Variants in NSL1 observed in about 807,000 individuals in gnomAD.
NSL1 encodes kinetochore-associated protein NSL1 homolog.
A neutral mutation model predicts 25.4 loss-of-function variants in NSL1; 11 were observed. That is an observed-to-expected ratio of 0.43 (90% CI 0.27 to 0.72). The LOEUF (loss-of-function observed/expected upper bound fraction) is 0.72. Ranked by LOEUF, NSL1 falls within the 30% of genes least tolerant of loss-of-function variation. The probability of loss-of-function intolerance (pLI) is 0.19; values close to 1 mark genes in which losing one functional copy is unlikely to be tolerated. For synonymous variants in NSL1, 118 were observed against 120.6 expected (o/e 0.98, Z 0.14); for missense variants, 330 against 342.7 (o/e 0.96, Z 0.29).
At chr1:212,751,996 T>C (rs1014115826) in intron 4 of NSL1, among the ~76,000 whole-genome samples, 1 of 152,188 alleles carries the variant, frequency 6.6e-6, no homozygotes, top group African/African-American at 2.4e-5. Flanking sequence ...TGGGATGGGC[T>C]TTCTCGAGGA....
chr1:212,784,695 C>T (rs961960303), intron 2 of NSL1, among the ~76,000 whole-genome samples: 3 of 152,128 alleles, frequency 2.0e-5, no homozygotes, highest in Non-Finnish European at 2.9e-5. Flanking sequence ...CTATAAGAAG[C>T]CAGGCCTAAA....
chr1:212,764,127 C>T (rs1471349215), intron 4 of NSL1: 3 of 274,024 alleles, frequency 1.1e-5, no homozygotes, highest in Non-Finnish European at 2.2e-5. Context: ...ATAAAAGGAA[C>T]TCTCAAAATT....
chr1:212,759,677 A>G (rs994759132), intron 4 of NSL1, among the ~76,000 whole-genome samples: 27 of 152,216 alleles, frequency 1.8e-4, no homozygotes, highest in African/African-American at 6.5e-4. Context: ...AGGGCCCAAA[A>G]GCCCCTACAT....
chr1:212,743,252 C>T (rs1280441017), intron 4 of NSL1, among the ~76,000 whole-genome samples: 1 of 152,038 alleles, frequency 6.6e-6, no homozygotes, highest in Non-Finnish European at 1.5e-5. Flanking sequence ...GCAACCTCTA[C>T]CTCCCAGGTT....
intron 2 of NSL1, among the ~76,000 whole-genome samples, chr1:212,787,023 G>A (rs112308367): frequency 0.023 from 3,454 of 151,904 alleles, 60 homozygotes; most frequent in South Asian, 0.042. Context: ...TTAGCCAGGC[G>A]TGGTGGCCAC....
Position 212,727,850 on chromosome 1 carries a change from G to A in NSL1, c.*10558C>T, listed in dbSNP as rs1571850851. 1 of 984,894 alleles carries A rather than the reference G, an allele frequency of 1.0e-6. No individual in the cohort carries two copies. Among genetic ancestry groups the A allele is most frequent in the Non-Finnish European group, 1.2e-6 (1 of 829,488 alleles). The allele number at this position is 984,894 out of a possible 1,614,324, so 61.0% of individuals were successfully genotyped here. On this transcript the variant is annotated 3_prime_UTR_variant, in exon 6 of 6. Transcript: ENST00000366977. ...AATATTCACTATTCGTTAACTGCTG[G>A]GAAATTTAAAAATGTTTGTTGATAC...
intron 4 of NSL1, among the ~76,000 whole-genome samples, chr1:212,766,014 T>C (rs1380197047): frequency 1.5e-4 from 22 of 151,232 alleles, no homozygotes; most frequent in Admixed American, 1.4e-3. Context: ...CGGGTGCCTG[T>C]AGACCCAGCT....
Position 212,729,567 on chromosome 1 carries a change from C to T in NSL1, c.*8841G>A, listed in dbSNP as rs1002557911. 1 of 985,392 alleles carries T rather than the reference C, an allele frequency of 1.0e-6. No individual in the cohort carries two copies. The highest frequency in any genetic ancestry group is 1.2e-6 in the Non-Finnish European group (1 of 829,928). The allele number at this position is 985,392 out of a possible 1,614,324, so 61.0% of individuals were successfully genotyped here. ...CCCATTTTTATTATTCTGCCAGTGT[C>T]ATCCCCTCATTTCTACACTTCCTCA... On this transcript the variant is annotated 3_prime_UTR_variant, in exon 6 of 6. Transcript: ENST00000366977.
At chr1:212,787,498 A>G (rs1048919212) in intron 2 of NSL1, 61 bp downstream of exon 2, 6 of 1,303,726 alleles carry the variant, frequency 4.6e-6, no homozygotes, top group Non-Finnish European at 6.5e-6. Flanking sequence ...AACAGCATTC[A>G]AAACAAAATT....
chr1:212,782,016 CTA>C (rs1313406015), intron 4 of NSL1: 1 of 541,084 alleles, frequency 1.8e-6, no homozygotes, highest in African/African-American at 1.9e-5. Flanking sequence ...AGGTGTGACA[CTA>C]TGAGAGAATG....
rs1373743760 is a variant in NSL1, at chr1:212,736,702, A to T, written c.*1706T>A. Reference sequence around the variant, plus strand: ...GGACTTTAAAATATAACCATTTTTTAAAAACTTATAAAAATTTCCAACACA... The same window carrying T: ...GGACTTTAAAATATAACCATTTTTTTAAAACTTATAAAAATTTCCAACACA... On this transcript the variant is annotated 3_prime_UTR_variant, in exon 6 of 6. Coordinates refer to ENST00000366977, the MANE Select transcript of NSL1 (RefSeq NM_015471.4). 1.0e-6 allele frequency: 1 copy of T among 984,042 alleles called. No individual in the cohort carries two copies. The highest frequency in any genetic ancestry group is 1.7e-5 in the African/African-American group (1 of 57,200). The allele number at this position is 984,042 out of a possible 1,614,324, so 61.0% of individuals were successfully genotyped here.
intron 4 of NSL1, among the ~76,000 whole-genome samples, chr1:212,776,568 T>C (rs901883977): frequency 6.7e-6 from 1 of 150,120 alleles, no homozygotes; most frequent in Non-Finnish European, 1.5e-5. Flanking sequence ...AAAATAAAAA[T>C]TAAAATTAAA....
chr1:212,748,404 T>A (rs1003604036), intron 4 of NSL1, among the ~76,000 whole-genome samples: 1 of 152,210 alleles, frequency 6.6e-6, no homozygotes, highest in Non-Finnish European at 1.5e-5. Context: ...GAGATGAGTA[T>A]AAATGTGGTA....
Position 212,732,028 on chromosome 1 carries a change from A to ATT in NSL1, c.*6378_*6379dup, listed in dbSNP as rs11342201. 9,796 of 925,326 alleles carry ATT rather than the reference A, an allele frequency of 0.011. 253 individuals are homozygous for ATT. Among genetic ancestry groups the ATT allele is most frequent in the African/African-American group, 0.1 (5,349 of 52,726 alleles). The allele number at this position is 925,326 out of a possible 1,614,324, so 57.3% of individuals were successfully genotyped here. ...TTAGCCTCCCAGTGTAACTGTCCCAATTTTTTTTTTTTTTTTTTACTGAAT... is the reference window on the plus strand; with the variant it reads ...TTAGCCTCCCAGTGTAACTGTCCCAATTTTTTTTTTTTTTTTTTTTACTGAAT... On this transcript the variant is annotated 3_prime_UTR_variant, in exon 6 of 6. Transcript: ENST00000366977.
Position 212,728,982 on chromosome 1 carries a change from TAGTA to T in NSL1, c.*9422_*9425del, listed in dbSNP as rs1344037293. ...AAGAAAAAGAAATGAGGAGTAATTT[TAGTA>T]AGGAGGATTTCTAAAGAAGCAGTCA... On this transcript the variant is annotated 3_prime_UTR_variant, in exon 6 of 6. Transcript: ENST00000366977. 4.9e-5 allele frequency: 48 copies of T among 985,190 alleles called. No homozygotes were observed. The highest frequency in any genetic ancestry group is 5.7e-5 in the Non-Finnish European group (47 of 829,864). 61.0% of individuals were successfully genotyped at this position (985,190 alleles called of 1,614,324 possible). A position where few individuals can be genotyped will look rare whatever the true frequency, so the allele number is the denominator to read the frequency against.
At chr1:212,784,687 A>G (rs1042299023) in intron 2 of NSL1, among the ~76,000 whole-genome samples, 194 bp from the exon 3 acceptor site, 3 of 152,240 alleles carry the variant, frequency 2.0e-5, no homozygotes, top group Non-Finnish European at 2.9e-5. Context: ...TTGAGCATCT[A>G]TAAGAAGCCA....
chr1:212,769,148 T>G (rs1034463420), intron 4 of NSL1, among the ~76,000 whole-genome samples: 6 of 152,062 alleles, frequency 3.9e-5, no homozygotes, highest in African/African-American at 1.4e-4. Context: ...ATTTGCATTT[T>G]GGGTGTTGTA....
In NSL1 at chr1:212,726,933, G is replaced by A. The variant is rs1558030683; in HGVS notation, c.*11475C>T. The A allele has an allele frequency of 6.2e-6, 3 of 483,980 alleles. No individual in the cohort carries two copies. The highest frequency in any genetic ancestry group is 3.5e-5 in the East Asian group (1 of 28,914). 30.0% of individuals were successfully genotyped at this position (483,980 alleles called of 1,614,324 possible). On this transcript the variant is annotated 3_prime_UTR_variant, in exon 6 of 6. Transcript: ENST00000366977. ...ACACCAGCACAGCACGGACTTTCCC[G>A]TCCTGTCTCTTCATGGTGGGTGAAG...
chr1:212,745,160 C>CTATATATATATATATATA (rs59293969), intron 4 of NSL1, among the ~76,000 whole-genome samples: 1 of 117,688 alleles, frequency 8.5e-6, no homozygotes. Context: ...AACAAACAAA[C>CTATATATATATATATATA]TATATATATA....
Sources: allele counts gnomAD v4.1 joint callset (sites outside exome capture counted in the v4.1 genomes callset), GRCh38; gene constraint gnomAD v4.1.1; transcripts MANE v1.5; gene names NCBI Gene and HGNC (gene_info 2026-07-23, HGNC 2026-07-21).